The following NR1D2 variants were observed in gnomAD, a reference collection of about 807,000 sequenced individuals.
NR1D2 encodes the protein V-erbA-related protein 1-related.
NR1D2 carries 25 observed loss-of-function variants against 52.2 expected under a neutral mutation model. The observed-to-expected ratio is 0.48, with a 90% CI of 0.35 to 0.67. The LOEUF (loss-of-function observed/expected upper bound fraction) is 0.67, where lower values mean the gene tolerates loss of function less well. Ranked by LOEUF, NR1D2 falls within the 30% of genes least tolerant of loss-of-function variation. The pLI is 0.01. For missense variants in NR1D2, 681 were observed against 707.2 expected, an observed-to-expected ratio of 0.96 and a Z score of 0.42; for synonymous variants, 259 against 230.1, an observed-to-expected ratio of 1.13 and a Z score of -1.14.
chr3:23,961,389 CTTTTTTTTTT>C (rs869108010), intron 4 of NR1D2, among the ~76,000 whole-genome samples: 8 of 76,014 alleles, frequency 1.1e-4, no homozygotes, highest in African/African-American at 2.7e-4. Flanking sequence ...CTTTTTCTTT[CTTTTTTTTTT>C]TTTTTTTTTT....
intron 3 of NR1D2, among the ~76,000 whole-genome samples, chr3:23,956,854 G>T (rs1575149772): frequency 6.6e-6 from 1 of 152,078 alleles, no homozygotes; most frequent in East Asian, 1.9e-4. Context: ...ACATGTTCTT[G>T]CTGTTCTCTG....
In NR1D2 at chr3:23,962,368, T is replaced by C. The variant is rs1286976609; in HGVS notation, c.909T>C (p.Asn303=). ...ATTTAAATCATGATCATTGCGGCAA[T>C]GGGCTTAGCAGCCATTTTCCCTGTA... ...QYNLNHDHCG[N]GLSSHFPCSE... Residue 303 remains asparagine (N), a synonymous_variant, in exon 5 of 8, where the codon AAT becomes AAC. Coordinates refer to ENST00000312521, the MANE Select transcript of NR1D2 (RefSeq NM_005126.5). The C allele has an allele frequency of 1.2e-6, 2 of 1,614,174 alleles. No homozygotes were observed. Among genetic ancestry groups the C allele is most frequent in the Non-Finnish European group, 8.5e-7 (1 of 1,180,008 alleles).
chr3:23,947,889 G>A (rs1705800370), intron 1 of NR1D2, among the ~76,000 whole-genome samples: 1 of 152,106 alleles, frequency 6.6e-6, no homozygotes, highest in African/African-American at 2.4e-5. Context: ...AGGCTGAGCC[G>A]GGCGGATCCC....
chr3:23,951,844 G>A (rs1705943445), intron 1 of NR1D2, among the ~76,000 whole-genome samples: 1 of 152,168 alleles, frequency 6.6e-6, no homozygotes, highest in African/African-American at 2.4e-5. Context: ...CTAGTTTTGA[G>A]GATATGTATT....
intron 1 of NR1D2, chr3:23,946,042 C>G: frequency 1.1e-6 from 1 of 946,416 alleles, no homozygotes; most frequent in Non-Finnish European, 1.3e-6. Context: ...CGCGCGCGCG[C>G]GCGCTGGCTG....
rs373227366 is a variant in NR1D2, at chr3:23,956,041, T to C, written c.288T>C (p.Phe96=). 242 of 1,612,762 alleles carry C rather than the reference T, an allele frequency of 1.5e-4. No homozygotes were observed. The highest frequency in any genetic ancestry group is 2.0e-4 in the Admixed American group (12 of 59,982). ...MTKSHSGVTK[F]SGMVLLCKVC... ...TCGTGTCCTTTTGTGTCCTAGAATT[T>C]AGTGGCATGGTTCTACTGTGTAAAG... Residue 96 remains phenylalanine (F), a synonymous_variant, in exon 3 of 8, where the codon TTT becomes TTC. Transcript: ENST00000312521.
At chr3:23,946,300 T>C in intron 1 of NR1D2, 2 of 985,266 alleles carry the variant, frequency 2.0e-6, no homozygotes, top group Non-Finnish European at 2.4e-6. Context: ...AACCGGCGCC[T>C]GGGGAGGCTG....
intron 7 of NR1D2, among the ~76,000 whole-genome samples, chr3:23,969,178 C>T (rs1032414699): frequency 3.3e-5 from 5 of 151,958 alleles, no homozygotes; most frequent in Admixed American, 6.6e-5. Context: ...CCCAGCTACT[C>T]AGGAGGCTGA....
At chr3:23,963,222 A>G (rs757015180) in intron 5 of NR1D2, 2 of 1,314,626 alleles carry the variant, frequency 1.5e-6, no homozygotes, top group South Asian at 2.3e-5. Context: ...TCTACATCAA[A>G]GTACAGTGTT....
chr3:23,963,847 A>G (rs192231322), intron 5 of NR1D2, among the ~76,000 whole-genome samples: 176 of 151,038 alleles, frequency 1.2e-3, no homozygotes, highest in Non-Finnish European at 1.9e-3. Context: ...TAGATTTTGT[A>G]TGGATTTAGT....
At chr3:23,949,535 A>G (rs36089963) in intron 1 of NR1D2, among the ~76,000 whole-genome samples, 19,674 of 152,054 alleles carry the variant, frequency 0.13, 1,783 homozygotes, top group African/African-American at 0.24. Context: ...AGCAGTCACA[A>G]TCATGTGTGT....
At chr3:23,953,445 G>A (rs939931762) in intron 1 of NR1D2, among the ~76,000 whole-genome samples, 20 of 151,942 alleles carry the variant, frequency 1.3e-4, no homozygotes, top group African/African-American at 4.6e-4. Flanking sequence ...CTGTGTAGAG[G>A]GAATTAGCTT....
At chr3:23,968,047 T>G (rs1559336885) in intron 7 of NR1D2, 24 bp downstream of exon 7, 1 of 1,597,536 alleles carries the variant, frequency 6.3e-7, no homozygotes, top group East Asian at 2.2e-5. Context: ...TTCAAAATTG[T>G]GCCACACCTA....
At chr3:23,977,173 T>G (rs1294390211) in intron 7 of NR1D2, 50 bp from the exon 8 acceptor site, 1 of 1,013,390 alleles carries the variant, frequency 9.9e-7, no homozygotes, top group Non-Finnish European at 1.4e-6. Context: ...ATATTTAATG[T>G]TAATAATTTA....
chr3:23,966,925 G>A (rs1706463469), intron 6 of NR1D2, among the ~76,000 whole-genome samples: 1 of 152,146 alleles, frequency 6.6e-6, no homozygotes, highest in South Asian at 2.1e-4. Flanking sequence ...AGCTATTCAG[G>A]AGGCTGAGGT....
rs1261152393 is a variant in NR1D2 at position 23,979,534 on chromosome 3, TTTAG to T, written c.*2120_*2123del. 3 of 152,174 alleles carry T rather than the reference TTTAG, an allele frequency of 2.0e-5. No individual in the cohort carries two copies. Among genetic ancestry groups the T allele is most frequent in the East Asian group, 1.9e-4 (1 of 5,194 alleles). The allele number at this position is 152,174 out of a possible 1,614,324, so 9.4% of individuals were successfully genotyped here. ...ACTATGTTAGTATTGCTTATAAAAC[TTTAG>T]TTAGGTTCAATATATACATATATAC... is the stretch of plus-strand genomic sequence containing the variant. On this transcript the variant is annotated 3_prime_UTR_variant, in exon 8 of 8. Coordinates refer to ENST00000312521, the MANE Select transcript of NR1D2 (RefSeq NM_005126.5).
In NR1D2 at chr3:23,977,294, T is replaced by C; in HGVS notation, c.1615T>C (p.Leu539=). The C allele has an allele frequency of 6.2e-7, 1 of 1,613,396 alleles. No homozygotes were observed. The highest frequency in any genetic ancestry group is 8.5e-7 in the Non-Finnish European group (1 of 1,179,576). The part of the protein sequence containing the change: ...QETLIRALRT[L]IMKNHPNEAS... ...AACTCTCATTCGTGCACTAAGGACC[T>C]TAATAATGAAAAACCATCCAAATGA... The change falls in exon 8 of 8, where the codon TTA becomes CTA. Residue 539 remains leucine (L), a synonymous_variant. Transcript: ENST00000312521.
chr3:23,967,083 T>G (rs1706467331), intron 6 of NR1D2, among the ~76,000 whole-genome samples: 1 of 152,148 alleles, frequency 6.6e-6, no homozygotes, highest in Non-Finnish European at 1.5e-5. Flanking sequence ...TCTAGCACTT[T>G]GGGAAGCCGA....
chr3:23,946,095 C>T (rs1461403798), intron 1 of NR1D2: 1 of 984,740 alleles, frequency 1.0e-6, no homozygotes, highest in African/African-American at 1.7e-5. Context: ...CTTTGGAAGC[C>T]TCGGGGCAGT....
Sources: allele counts gnomAD v4.1 joint callset (sites outside exome capture counted in the v4.1 genomes callset), GRCh38; gene constraint gnomAD v4.1.1; transcripts MANE v1.5; gene names NCBI Gene and HGNC (gene_info 2026-07-23, HGNC 2026-07-21).